The following OPCML variants were observed in gnomAD, a reference collection of about 807,000 sequenced individuals.
The protein encoded by OPCML is opioid binding protein/cell adhesion molecule like, also known as opioid-binding protein/cell adhesion molecule.
OPCML carries 13 observed loss-of-function variants against 37.8 expected under a neutral mutation model. The ratio of observed to expected loss-of-function variants is 0.34; its 90% CI spans 0.22 to 0.55. OPCML has a LOEUF of 0.55. Ranked by LOEUF, OPCML falls within the 20% of genes least tolerant of loss-of-function variation. The pLI, the probability that OPCML is intolerant of heterozygous loss-of-function variation, is 0.91. For missense variants in OPCML, 341 were observed against 435.6 expected (o/e 0.78, Z 1.93); for synonymous variants, 176 against 168.8 (o/e 1.04, Z -0.33).
intron 3 of OPCML, among the ~76,000 whole-genome samples, chr11:132,542,351 C>G (rs2137376805): frequency 6.6e-6 from 1 of 152,310 alleles, no homozygotes; most frequent in Admixed American, 6.5e-5. Context: ...TCTGCTGTGG[C>G]TTTCTGAAAC....
chr11:132,844,248 G>A (rs187603113), intron 2 of OPCML, among the ~76,000 whole-genome samples: 2 of 152,268 alleles, frequency 1.3e-5, no homozygotes, highest in East Asian at 3.9e-4. Flanking sequence ...TATCAGCAGC[G>A]TGAGAAAGAC....
intron 3 of OPCML, among the ~76,000 whole-genome samples, chr11:132,603,795 T>C (rs1445900346): frequency 1.3e-5 from 2 of 152,214 alleles, no homozygotes; most frequent in Admixed American, 1.3e-4. Flanking sequence ...CTCACATTTC[T>C]TGCTTTCTAA....
At chr11:133,004,931 C>G (rs1248714486) in intron 1 of OPCML, 5 of 985,246 alleles carry the variant, frequency 5.1e-6, no homozygotes, top group Non-Finnish European at 6.0e-6. Context: ...CATTGCCTGC[C>G]CCTTCCCTCC....
At chr11:132,937,926 A>G (rs1945446520) in intron 2 of OPCML, among the ~76,000 whole-genome samples, 1 of 151,774 alleles carries the variant, frequency 6.6e-6, no homozygotes, top group Non-Finnish European at 1.5e-5. Flanking sequence ...GGGATAGTGA[A>G]GACTTTGCAT....
At chr11:133,144,233 C>T (rs961286159) in intron 1 of OPCML, among the ~76,000 whole-genome samples, 3 of 152,206 alleles carry the variant, frequency 2.0e-5, no homozygotes, top group Admixed American at 1.3e-4. Context: ...GGCTGGTTCC[C>T]AGGGATTCCG....
chr11:132,686,357 C>T (rs564659418), intron 2 of OPCML, among the ~76,000 whole-genome samples: 8 of 152,302 alleles, frequency 5.3e-5, no homozygotes, highest in South Asian at 4.2e-4. Flanking sequence ...GCTAAATCCA[C>T]GAAGGTCTGA....
rs2096428074 is a variant in OPCML at position 132,568,028 on chromosome 11, G to A, written c.380-38842C>T. Among the ~76,000 whole-genome samples the A allele has an allele frequency of 2.1e-5, 3 of 143,528 alleles. No individual in the cohort carries two copies. In the South Asian group the frequency reaches 7.0e-4, roughly 34 times the overall value. The allele number at this position is 143,528 out of a possible 152,430, so 94.2% of individuals were successfully genotyped here. On this transcript the variant is annotated intron_variant, in intron 3 of 7. Coordinates refer to ENST00000524381, the MANE Select transcript of OPCML (RefSeq NM_001012393.5). ...GGGTCCCTGGACCGAATAGATCTGT[G>A]TGTGTGTGTGTGTGCGCGCGCGCGC...
rs78828567 is a variant in OPCML, at chr11:132,606,033, A to G, written c.379+51054T>C. On this transcript the variant is annotated intron_variant, in intron 3 of 7. Coordinates refer to ENST00000524381, the MANE Select transcript of OPCML (RefSeq NM_001012393.5). ...CACCTGTAAGCAGATATTTTCTGGTACTTGGGTCCTTTTTCTTCCTTCCAA... is the reference window on the plus strand; with the variant it reads ...CACCTGTAAGCAGATATTTTCTGGTGCTTGGGTCCTTTTTCTTCCTTCCAA... 5.4e-3 allele frequency among the ~76,000 whole-genome samples: 821 copies of G among 152,262 alleles called. 1 individual carries two copies. Among genetic ancestry groups the G allele is most frequent in the South Asian group, 0.012 (60 of 4,828 alleles).
Position 132,437,239 on chromosome 11 carries a change from A to G in OPCML, c.626T>C (p.Val209Ala). Residue 209 changes from valine (V) to alanine (A), a missense_variant, in exon 5 of 8, where the codon GTA becomes GCA. Physicochemically the swap from Val to Ala is moderately conservative, Grantham distance 64. Transcript: ENST00000524381. ...CCACTCACAGTTTACAGTGATTTTT[A>G]CTTTCCGCACATCGGGCGCAGCGAC... ...NDVAAPDVRK[V>A]KITVNYPPYI... The G allele has an allele frequency of 6.2e-7, 1 of 1,613,890 alleles. No individual in the cohort carries two copies. The highest frequency in any genetic ancestry group is 8.5e-7 in the Non-Finnish European group (1 of 1,179,876).
intron 1 of OPCML, among the ~76,000 whole-genome samples, chr11:133,080,727 G>A (rs1259854226): frequency 1.3e-5 from 2 of 152,144 alleles, no homozygotes; most frequent in African/African-American, 4.8e-5. Flanking sequence ...GAGAGAATCA[G>A]TATAAAAGCT....
chr11:133,211,367 T>C lies in OPCML; in HGVS notation c.62-268357A>G, dbSNP rs1370704115. On this transcript the variant is annotated intron_variant, in intron 1 of 7. Coordinates refer to ENST00000524381, the MANE Select transcript of OPCML (RefSeq NM_001012393.5). The surrounding 1 kb of genome is among the most constrained non-coding windows in gnomAD (Gnocchi z 4.1). ...CCTCAGTTATTGAACCCTGGGAAGT[T>C]CTGAATCCTCTCCCTCTCAAACTGG... Among the ~76,000 whole-genome samples the C allele has an allele frequency of 6.6e-6, 1 of 152,202 alleles. No individual in the cohort carries two copies. The highest frequency in any genetic ancestry group is 1.5e-5 in the Non-Finnish European group (1 of 68,048).
intron 4 of OPCML, among the ~76,000 whole-genome samples, chr11:132,484,878 T>G (rs1000903346): frequency 1.3e-5 from 2 of 152,076 alleles, no homozygotes; most frequent in African/African-American, 4.8e-5. Context: ...TGAGAACACA[T>G]GGACACAGGA....
intron 1 of OPCML, among the ~76,000 whole-genome samples, chr11:133,129,624 T>C (rs1373822347): frequency 6.6e-6 from 1 of 152,186 alleles, no homozygotes; most frequent in Non-Finnish European, 1.5e-5. Flanking sequence ...AAGCAAGGAC[T>C]GGGTGTGGTG....
intron 2 of OPCML, among the ~76,000 whole-genome samples, chr11:132,863,150 T>C (rs1412345265): frequency 6.6e-6 from 1 of 152,068 alleles, no homozygotes; most frequent in Non-Finnish European, 1.5e-5. Flanking sequence ...GATCAGACCC[T>C]TCCTGCCTGT....
rs370792467 is a variant in OPCML at position 132,922,463 on chromosome 11, A to G, written c.146+20463T>C. The stretch of plus-strand genomic sequence containing the variant: ...AAACAGAGAAAGCCACAGGAGCAAA[A>G]GCAGCACGTGTGCGGGAAGACGGAG... On this transcript the variant is annotated intron_variant, in intron 2 of 7. Transcript: ENST00000524381. 7.2e-5 allele frequency among the ~76,000 whole-genome samples: 11 copies of G among 152,208 alleles called. No homozygotes were observed. In the East Asian group the frequency reaches 1.2e-3, roughly 16 times the overall value.
At position 132,818,940 on chromosome 11, in the gene OPCML, T is replaced by C. The variant is rs948309533; in HGVS notation, c.146+123986A>G. ...CTTAAAGTATAATAAAAAATAATAA[T>C]AAATAAATAAATACCCTCTACTTGG... On this transcript the variant is annotated intron_variant, in intron 2 of 7. Transcript: ENST00000524381. Among the ~76,000 whole-genome samples, 14 of 141,978 alleles carry C rather than the reference T, an allele frequency of 9.9e-5. 1 individual carries two copies. In the East Asian group the frequency reaches 2.9e-3, roughly 29 times the overall value. The allele number at this position is 141,978 out of a possible 152,430, so 93.1% of individuals were successfully genotyped here. A position where few individuals can be genotyped will look rare whatever the true frequency, so the allele number is the denominator to read the frequency against.
At chr11:132,794,970 G>A (rs1938216219) in intron 2 of OPCML, among the ~76,000 whole-genome samples, 1 of 150,922 alleles carries the variant, frequency 6.6e-6, no homozygotes, top group Non-Finnish European at 1.5e-5. Flanking sequence ...ATTATTTATG[G>A]TCCCATAAAT....
At chr11:133,184,579 AT>A (rs1803837129) in intron 1 of OPCML, among the ~76,000 whole-genome samples, 1 of 152,100 alleles carries the variant, frequency 6.6e-6, no homozygotes, top group Admixed American at 6.5e-5. Context: ...GCCCTCCGTT[AT>A]CTACTCATAA....
intron 1 of OPCML, among the ~76,000 whole-genome samples, chr11:133,040,006 G>A (rs1947860016): frequency 6.6e-6 from 1 of 151,580 alleles, no homozygotes. Flanking sequence ...TACAGCCTGA[G>A]TGACAGCACG....
Sources: gnomAD v4.1 joint callset for allele counts (sites outside exome capture counted in the v4.1 genomes callset) on GRCh38, gnomAD v4.1.1 for gene constraint, Gnocchi (gnomAD v3.1) non-coding constraint, MANE v1.5 for transcripts, NCBI Gene and HGNC (gene_info 2026-07-23, HGNC 2026-07-21) for gene names.